The following CACNA1B variants were observed in gnomAD, a reference collection of about 807,000 sequenced individuals.
CACNA1B encodes calcium voltage-gated channel subunit alpha1 B, also known as voltage-dependent N-type calcium channel subunit alpha-1B.
Under a neutral mutation model 247.2 loss-of-function variants are expected in CACNA1B, and 70 were observed. The observed-to-expected ratio is 0.28, with a 90% CI of 0.23 to 0.35. The LOEUF is 0.35. CACNA1B is among the 10% of genes least tolerant of loss of function. CACNA1B has a pLI of 1.00. For missense variants in CACNA1B, 2,367 were observed against 3,197.4 expected, an observed-to-expected ratio of 0.74 and a Z score of 6.26; for synonymous variants, 1,231 against 1,294.4, an observed-to-expected ratio of 0.95 and a Z score of 1.05.
intron 10 of CACNA1B, among the ~76,000 whole-genome samples, chr9:137,962,200 G>C (rs1376075190): frequency 6.6e-6 from 1 of 151,956 alleles, no homozygotes; most frequent in Admixed American, 6.5e-5. Context: ...ATGGTTGTCT[G>C]TATTTCTGTG....
chr9:137,889,082 C>T (rs1157102865), intron 3 of CACNA1B, among the ~76,000 whole-genome samples: 6 of 150,504 alleles, frequency 4.0e-5, no homozygotes, highest in African/African-American at 1.5e-4. Context: ...TGTCTGAACA[C>T]AGGTGACAGC....
rs1393528019 is a variant in CACNA1B, at chr9:137,973,358, C to T, written c.1543+1766C>T. Among the ~76,000 whole-genome samples the T allele has an allele frequency of 2.6e-5, 4 of 152,150 alleles. No individual in the cohort carries two copies. The East Asian group carries it at 5.8e-4, about 22-fold the overall frequency. ...GTAGGTAGGACAGGCTTGCCAGAGG[C>T]GAGGGGGTGTGGCCGCCCAGCCTAG... On this transcript the variant is annotated intron_variant, in intron 11 of 46. Coordinates refer to ENST00000371372, the MANE Select transcript of CACNA1B (RefSeq NM_000718.4). The surrounding 1 kb of genome is among the most constrained non-coding windows in gnomAD (Gnocchi z 4.1).
At chr9:138,080,524 A>G (rs1011545281) in intron 36 of CACNA1B, among the ~76,000 whole-genome samples, 4 of 152,146 alleles carry the variant, frequency 2.6e-5, no homozygotes, top group Non-Finnish European at 5.9e-5. Context: ...GAACAAGGAG[A>G]TGAGCTGATG....
intron 36 of CACNA1B, 68 bp downstream of exon 36, chr9:138,078,326 C>T: frequency 6.8e-7 from 1 of 1,470,906 alleles, no homozygotes; most frequent in Non-Finnish European, 9.5e-7. Flanking sequence ...GCTTCTCCCA[C>T]ATCTCCTGCT....
At position 138,012,535 on chromosome 9, in the gene CACNA1B, G is replaced by A. The variant is rs575031663; in HGVS notation, c.2161-594G>A. Among the ~76,000 whole-genome samples the A allele has an allele frequency of 3.9e-4, 60 of 152,088 alleles. No homozygotes were observed. Among genetic ancestry groups the A allele is most frequent in the African/African-American group, 1.4e-3 (60 of 41,484 alleles). On this transcript the variant is annotated intron_variant, in intron 17 of 46. Coordinates refer to ENST00000371372, the MANE Select transcript of CACNA1B (RefSeq NM_000718.4). The surrounding 1 kb of genome is among the most constrained non-coding windows in gnomAD (Gnocchi z 4.2). ...GAGGTGGGAGGATCACTTGAGCCTA[G>A]GAATTCAAGAAAAATTAAATTAAAA...
intron 10 of CACNA1B, among the ~76,000 whole-genome samples, chr9:137,964,500 T>C (rs1958053962): frequency 6.6e-6 from 1 of 152,228 alleles, no homozygotes; most frequent in South Asian, 2.1e-4. Flanking sequence ...ATACTTGTGA[T>C]TGCATTGTGA....
chr9:137,967,647 G>C (rs952357455), intron 10 of CACNA1B, among the ~76,000 whole-genome samples: 9 of 152,114 alleles, frequency 5.9e-5, no homozygotes, highest in Non-Finnish European at 1.3e-4. Flanking sequence ...GCCCTTCCTT[G>C]TTCCCCACTG....
At chr9:138,071,970 A>G (rs920530343) in intron 32 of CACNA1B, among the ~76,000 whole-genome samples, 2 of 151,954 alleles carry the variant, frequency 1.3e-5, no homozygotes, top group Non-Finnish European at 2.9e-5. Context: ...CCCTGCACCC[A>G]TGTTTCTAAG....
rs201848770 is a variant in CACNA1B, at chr9:138,123,576, G to A, written c.*1577G>A. 6.6e-6 allele frequency: 1 copy of A among 152,292 alleles called. No homozygotes were observed. The highest frequency in any genetic ancestry group is 2.4e-5 in the African/African-American group (1 of 41,392). The allele number at this position is 152,292 out of a possible 1,614,324, so 9.4% of individuals were successfully genotyped here. ...TTGTGTGTGATGTGTGTGTGTGTGTGTGTGTGTGTGTGTCTGTGTCACAGG... is the reference window on the plus strand; with the variant it reads ...TTGTGTGTGATGTGTGTGTGTGTGTATGTGTGTGTGTGTCTGTGTCACAGG... On this transcript the variant is annotated 3_prime_UTR_variant, in exon 47 of 47. Coordinates refer to ENST00000371372, the MANE Select transcript of CACNA1B (RefSeq NM_000718.4).
At position 137,880,218 on chromosome 9, in the gene CACNA1B, T is replaced by G. The variant is rs1390091112; in HGVS notation, c.390+1059T>G. ...GTCCTGGAGGTGAGGCACCAGGAGG[T>G]GAGTTATGGGTGGCCGAGGTGAGGA... On this transcript the variant is annotated intron_variant, in intron 2 of 46. Transcript: ENST00000371372. The surrounding 1 kb of genome is among the most constrained non-coding windows in gnomAD (Gnocchi z 4.8). 2.0e-5 allele frequency among the ~76,000 whole-genome samples: 3 copies of G among 148,136 alleles called. No individual in the cohort carries two copies. The highest frequency in any genetic ancestry group is 7.5e-5 in the African/African-American group (3 of 39,784).
rs200997651 is a variant in CACNA1B, at chr9:137,971,393, C to T, written c.1344C>T (p.Phe448=). The T allele has an allele frequency of 3.1e-6, 5 of 1,610,298 alleles. No homozygotes were observed. In the South Asian group the frequency reaches 3.3e-5, roughly 11 times the overall value. The stretch of plus-strand genomic sequence containing the variant: ...TCCCCATCCCCTCAGGATCCCCCTT[C>T]GCCCGCGCCAGCCTCAAGAGCGGGA... The part of the protein sequence containing the change: ...FADLCAVGSP[F]ARASLKSGKT... The change falls in exon 11 of 47, where the codon TTC becomes TTT. Residue 448 remains phenylalanine, a synonymous_variant. Coordinates refer to ENST00000371372, the MANE Select transcript of CACNA1B (RefSeq NM_000718.4). This position sits in a 1 kb window ranked among gnomAD's most constrained non-coding sequence, Gnocchi z 4.4.
At chr9:137,959,835 G>A (rs1957990217) in intron 10 of CACNA1B, among the ~76,000 whole-genome samples, 1 of 152,184 alleles carries the variant, frequency 6.6e-6, no homozygotes. Context: ...CATCATTGGA[G>A]TTTCCGTCCA....
At chr9:138,110,646 T>A (rs1961595487) in intron 39 of CACNA1B, among the ~76,000 whole-genome samples, 1 of 152,124 alleles carries the variant, frequency 6.6e-6, no homozygotes, top group Admixed American at 6.5e-5. Flanking sequence ...GCGGAAGGAT[T>A]GCTTGAGCCC....
chr9:138,002,763 G>A (rs924588291), intron 15 of CACNA1B, among the ~76,000 whole-genome samples: 2 of 151,812 alleles, frequency 1.3e-5, no homozygotes, highest in Non-Finnish European at 2.9e-5. Context: ...TGGATGGAGA[G>A]AAATTTCTTC....
Position 138,114,401 on chromosome 9 carries a change from G to A in CACNA1B, c.5560G>A (p.Val1854Ile), listed in dbSNP as rs148799345. Residue 1854 changes from valine (V) to isoleucine (I), a missense_variant, in exon 41 of 47, where the codon GTT becomes ATT. By Grantham distance (29) the Val-to-Ile change is conservative. Transcript: ENST00000371372. ...AGCTGATGAGATGACAGTGGGGAAGGTTTATGCAGCTCTGATGATATTCGA... is the reference window on the plus strand; with the variant it reads ...AGCTGATGAGATGACAGTGGGGAAGATTTATGCAGCTCTGATGATATTCGA... Reference protein sequence around the residue: ...HKPDEMTVGKVYAALMIFDFY... With the variant: ...HKPDEMTVGKIYAALMIFDFY... 301 of 1,585,358 alleles carry A rather than the reference G, an allele frequency of 1.9e-4. 1 individual carries two copies. The African/African-American group carries it at 3.7e-3, about 20-fold the overall frequency.
chr9:138,114,870 T>C (rs1210940454), intron 41 of CACNA1B, among the ~76,000 whole-genome samples: 1 of 152,144 alleles, frequency 6.6e-6, no homozygotes, highest in East Asian at 1.9e-4. Flanking sequence ...AGCAAAGAAA[T>C]TCAGATAGGT....
chr9:138,078,944 T>C (rs1960422035), intron 36 of CACNA1B, among the ~76,000 whole-genome samples: 1 of 152,156 alleles, frequency 6.6e-6, no homozygotes, highest in Admixed American at 6.5e-5. Context: ...ATGGGAGTAC[T>C]GGGGAGCTGA....
chr9:138,031,817 C>T (rs139338275), intron 20 of CACNA1B, among the ~76,000 whole-genome samples: 1 of 152,250 alleles, frequency 6.6e-6, no homozygotes, highest in African/African-American at 2.4e-5. Context: ...TAGATATGTT[C>T]AGTCCTGCCT....
rs7034745 is a variant in CACNA1B at position 137,986,862 on chromosome 9, A to G, written c.1974+8A>G. 44 of 1,610,276 alleles carry G rather than the reference A, an allele frequency of 2.7e-5. No homozygotes were observed. The East Asian group carries it at 9.8e-4, about 36-fold the overall frequency. Reference sequence around the variant, plus strand: ...ATCCTCACTGTCTTCCAGGTAAGGCACCTGCTCTGCACATTTGCGGCCTGC... The same window carrying G: ...ATCCTCACTGTCTTCCAGGTAAGGCGCCTGCTCTGCACATTTGCGGCCTGC... On this transcript the variant is annotated splice_region_variant and intron_variant, in intron 15 of 46. Coordinates refer to ENST00000371372, the MANE Select transcript of CACNA1B (RefSeq NM_000718.4). This position sits in a 1 kb window ranked among gnomAD's most constrained non-coding sequence, Gnocchi z 6.0.
Sources: gnomAD v4.1 joint callset for allele counts (sites outside exome capture counted in the v4.1 genomes callset) on GRCh38, gnomAD v4.1.1 for gene constraint, Gnocchi (gnomAD v3.1) non-coding constraint, MANE v1.5 for transcripts, NCBI Gene and HGNC (gene_info 2026-07-23, HGNC 2026-07-21) for gene names.